The following ME3 variants were observed in gnomAD, a reference collection of about 807,000 sequenced individuals.
The protein encoded by ME3 is NADP-dependent malic enzyme, mitochondrial.
Under a neutral mutation model 68.9 loss-of-function variants are expected in ME3, and 48 were observed. The observed-to-expected ratio is 0.70, with a 90% confidence interval of 0.55 to 0.89. ME3 has a LOEUF of 0.89. ME3 is among the 40% of genes least tolerant of loss of function. ME3 has a pLI of 0.00. For synonymous variants in ME3, 320 were observed against 318.8 expected (o/e 1.00, Z -0.04); for missense variants, 675 against 797.4 (o/e 0.85, Z 1.85).
chr11:86,464,557 AT>A (rs1457200377), intron 8 of ME3, among the ~76,000 whole-genome samples: 1 of 152,196 alleles, frequency 6.6e-6, no homozygotes, highest in Non-Finnish European at 1.5e-5. Context: ...CAGAGAAGGA[AT>A]TGTCCTGACT....
chr11:86,649,778 A>C (rs1385151571), intron 2 of ME3, among the ~76,000 whole-genome samples: 1 of 152,336 alleles, frequency 6.6e-6, no homozygotes, highest in East Asian at 1.9e-4. Context: ...CTTCAAGGAG[A>C]ACTACAAACC....
At chr11:86,659,127 G>A (rs999936606) in intron 2 of ME3, among the ~76,000 whole-genome samples, 1 of 152,178 alleles carries the variant, frequency 6.6e-6, no homozygotes, top group Non-Finnish European at 1.5e-5. Context: ...AAAGGAGGGT[G>A]GCAACTGGGA....
At chr11:86,534,075 G>A (rs867370151) in intron 4 of ME3, among the ~76,000 whole-genome samples, 9 of 38,278 alleles carry the variant, frequency 2.4e-4, no homozygotes, top group African/African-American at 5.4e-4. Flanking sequence ...AGGTGTGTGT[G>A]TGTGTGTATA....
chr11:86,631,349 A>G (rs1944002387), intron 2 of ME3, among the ~76,000 whole-genome samples: 1 of 152,128 alleles, frequency 6.6e-6, no homozygotes, highest in African/African-American at 2.4e-5. Flanking sequence ...GAGGGATAGA[A>G]AAGTTACAGA....
intron 7 of ME3, among the ~76,000 whole-genome samples, chr11:86,465,732 T>C (rs1950443957): frequency 1.3e-5 from 2 of 152,170 alleles, no homozygotes; most frequent in Non-Finnish European, 2.9e-5. Context: ...TCTGGTAAGA[T>C]GAAAGGATGG....
chr11:86,479,827 T>TTTTA (rs1951290280), intron 7 of ME3, among the ~76,000 whole-genome samples: 1 of 151,968 alleles, frequency 6.6e-6, no homozygotes, highest in African/African-American at 2.4e-5. Flanking sequence ...TCTTTCTTTT[T>TTTTA]TTTTTGAGAT....
At chr11:86,509,350 G>C (rs1222219064) in intron 4 of ME3, among the ~76,000 whole-genome samples, 1 of 152,132 alleles carries the variant, frequency 6.6e-6, no homozygotes, top group Non-Finnish European at 1.5e-5. Flanking sequence ...GGGGGATGGA[G>C]CTGGGGATGG....
At chr11:86,589,394 A>C (rs1958929800) in intron 2 of ME3, among the ~76,000 whole-genome samples, 1 of 152,184 alleles carries the variant, frequency 6.6e-6, no homozygotes, top group South Asian at 2.1e-4. Flanking sequence ...TGAATGAATG[A>C]ATGAATGATG....
chr11:86,480,712 C>T lies in ME3; in HGVS notation c.809+6625G>A, dbSNP rs185152798. Among the ~76,000 whole-genome samples the T allele has an allele frequency of 5.9e-5, 9 of 152,272 alleles. No individual in the cohort carries two copies. In the East Asian group the frequency reaches 1.7e-3, roughly 29 times the overall value. ...AGTGCTTTCCCCACATGTAGAAATG[C>T]AATTATTCCCCGCATGAAAGCAGCT... On this transcript the variant is annotated intron_variant, in intron 7 of 14. Transcript: ENST00000543262.
At chr11:86,507,750 C>T (rs986766973) in intron 5 of ME3, among the ~76,000 whole-genome samples, 7 of 152,058 alleles carry the variant, frequency 4.6e-5, no homozygotes, top group African/African-American at 1.4e-4. Flanking sequence ...TGGGAGGCGT[C>T]GATGGACAGA....
chr11:86,550,270 A>G (rs1956599167), intron 4 of ME3, among the ~76,000 whole-genome samples: 1 of 152,230 alleles, frequency 6.6e-6, no homozygotes, highest in Non-Finnish European at 1.5e-5. Flanking sequence ...TAACTTGTTT[A>G]TAGAATTTGG....
At chr11:86,529,517 A>G (rs1179282502) in intron 4 of ME3, among the ~76,000 whole-genome samples, 3 of 152,232 alleles carry the variant, frequency 2.0e-5, no homozygotes, top group African/African-American at 7.2e-5. Flanking sequence ...TGAGGCCAGC[A>G]TCATCCTGAT....
chr11:86,623,158 C>T (rs1370273916), intron 2 of ME3, among the ~76,000 whole-genome samples: 4 of 152,092 alleles, frequency 2.6e-5, no homozygotes, highest in Non-Finnish European at 4.4e-5. Context: ...AGAAGATCTG[C>T]GTCGTCTCAT....
intron 8 of ME3, chr11:86,457,455 G>A (rs1950002770): frequency 2.0e-6 from 2 of 985,866 alleles, no homozygotes; most frequent in African/African-American, 3.4e-5. Context: ...AGCAGCATTT[G>A]GTACTGTTGC....
At chr11:86,671,780 C>T in exon 2 of ME3, 4 of 1,604,122 alleles carry the variant, frequency 2.5e-6, no homozygotes, top group Non-Finnish European at 3.4e-6. Context: ...GATGAGGGTT[C>T]CTGGTGACAT....
At chr11:86,663,600 A>G (rs779354802) in intron 2 of ME3, among the ~76,000 whole-genome samples, 1 of 152,232 alleles carries the variant, frequency 6.6e-6, no homozygotes, top group African/African-American at 2.4e-5. Context: ...TTTGCAAACA[A>G]AAGTGCTGCA....
At chr11:86,612,368 A>G (rs1942646308) in intron 2 of ME3, among the ~76,000 whole-genome samples, 1 of 152,186 alleles carries the variant, frequency 6.6e-6, no homozygotes, top group Non-Finnish European at 1.5e-5. Flanking sequence ...TGCTGTAATA[A>G]ACATATGTGT....
At chr11:86,586,169 G>A (rs1295966405) in intron 2 of ME3, among the ~76,000 whole-genome samples, 1 of 152,204 alleles carries the variant, frequency 6.6e-6, no homozygotes, top group Non-Finnish European at 1.5e-5. Flanking sequence ...AATGCTGATG[G>A]GATGGAATCC....
intron 4 of ME3, among the ~76,000 whole-genome samples, chr11:86,542,761 C>A (rs1956125026): frequency 6.6e-6 from 1 of 152,124 alleles, no homozygotes; most frequent in African/African-American, 2.4e-5. Flanking sequence ...TTTCCCAAAC[C>A]TAGCAAGGCA....
Sources: gnomAD v4.1 joint callset for allele counts (sites outside exome capture counted in the v4.1 genomes callset) on GRCh38, gnomAD v4.1.1 for gene constraint, MANE v1.5 for transcripts, NCBI Gene and HGNC (gene_info 2026-07-23, HGNC 2026-07-21) for gene names.